NEK10: variants seen among roughly 807,000 people sequenced by gnomAD.
The protein encoded by NEK10 is NIMA related kinase 10.
Under a neutral mutation model 159.8 loss-of-function variants are expected in NEK10, and 122 were observed. That is an observed-to-expected ratio of 0.76 (90% confidence interval 0.66 to 0.89). The LOEUF (loss-of-function observed/expected upper bound fraction) is 0.89, where lower values mean the gene tolerates loss of function less well. Among genes scored for constraint, NEK10 ranks in the 40% least tolerant of loss-of-function variants. The pLI is 0.00. For synonymous variants in NEK10, 466 were observed against 457.1 expected, an observed-to-expected ratio of 1.02 and a Z score of -0.25; for missense variants, 1,342 against 1,323.1, an observed-to-expected ratio of 1.01 and a Z score of -0.22.
chr3:27,359,820 A>G (rs946538507), intron 1 of NEK10, among the ~76,000 whole-genome samples: 5 of 152,246 alleles, frequency 3.3e-5, no homozygotes, highest in Admixed American at 6.5e-5. Context: ...AAATGTATTC[A>G]CCACTTCAGC....
rs1378152333 is a variant in NEK10, at chr3:27,307,946, C to G, written c.717-1G>C. ...ACTTATCTTCTCCCTACATTCTTGA[C>G]TATAAATTGAAAAATATTAGCAATT... On this transcript the variant is annotated splice_acceptor_variant, in intron 10 of 35. Transcript: ENST00000691995. LOFTEE classifies it high-confidence loss of function. The G allele has an allele frequency of 7.0e-7, 1 of 1,426,560 alleles. No homozygotes were observed. The highest frequency in any genetic ancestry group is 1.2e-5 in the South Asian group (1 of 86,134). 88.4% of individuals were successfully genotyped at this position (1,426,560 alleles called of 1,614,324 possible).
chr3:27,250,144 C>A, intron 23 of NEK10, among the ~76,000 whole-genome samples: 1 of 151,746 alleles, frequency 6.6e-6, no homozygotes, highest in Non-Finnish European at 1.5e-5. Flanking sequence ...AGTTTATATA[C>A]CACAATTACA....
chr3:27,214,884 C>T, intron 23 of NEK10: 1 of 1,213,234 alleles, frequency 8.2e-7, no homozygotes, highest in African/African-American at 1.5e-5. Flanking sequence ...AATCCCATGC[C>T]AGAACGGAAG....
At chr3:27,322,569 A>G (rs2045725687) in intron 5 of NEK10, among the ~76,000 whole-genome samples, 2 of 152,222 alleles carry the variant, frequency 1.3e-5, no homozygotes, top group Admixed American at 6.5e-5. Context: ...AAATTTAGGT[A>G]GGTCTAACTT....
At chr3:27,183,435 A>G (rs1451858042) in intron 26 of NEK10, among the ~76,000 whole-genome samples, 2 of 151,124 alleles carry the variant, frequency 1.3e-5, no homozygotes, top group Non-Finnish European at 3.0e-5. Flanking sequence ...TCATTATTCT[A>G]TACACAAAAT....
At chr3:27,251,806 A>G (rs1311376613) in intron 23 of NEK10, among the ~76,000 whole-genome samples, 1 of 152,210 alleles carries the variant, frequency 6.6e-6, no homozygotes, top group Non-Finnish European at 1.5e-5. Context: ...TTTTGTTAAA[A>G]TGTTTAACAT....
At chr3:27,314,665 C>A (rs1181034845) in intron 6 of NEK10, among the ~76,000 whole-genome samples, 1 of 152,162 alleles carries the variant, frequency 6.6e-6, no homozygotes, top group African/African-American at 2.4e-5. Context: ...ATTCAATATT[C>A]TCATGTTACA....
At chr3:27,243,318 G>A (rs892799093) in intron 23 of NEK10, among the ~76,000 whole-genome samples, 1 of 152,082 alleles carries the variant, frequency 6.6e-6, no homozygotes, top group Non-Finnish European at 1.5e-5. Flanking sequence ...ATATATGACT[G>A]GTAAGGTCAC....
Position 27,161,891 on chromosome 3 carries a change from G to A in NEK10, c.2869+810C>T, listed in dbSNP as rs148165328. On this transcript the variant is annotated intron_variant, in intron 30 of 35. Coordinates refer to ENST00000691995, the MANE Select transcript of NEK10 (RefSeq NM_001394966.1). ...ATGGTGGCAGGCACCTGTAATCCCAGCTACTCAGGAGGCTGAGGCAGGAGA... is the reference window on the plus strand; with the variant it reads ...ATGGTGGCAGGCACCTGTAATCCCAACTACTCAGGAGGCTGAGGCAGGAGA... Among the ~76,000 whole-genome samples the A allele has an allele frequency of 2.9e-3, 445 of 152,164 alleles. 3 individuals carry two copies. Among genetic ancestry groups the A allele is most frequent in the African/African-American group, 0.01 (416 of 41,522 alleles).
chr3:27,281,044 T>C (rs909381923), intron 22 of NEK10, among the ~76,000 whole-genome samples: 4 of 151,622 alleles, frequency 2.6e-5, no homozygotes, highest in African/African-American at 9.7e-5. Context: ...AAAACAGGGT[T>C]CCATAAAAAT....
chr3:27,227,622 G>T (rs755260131), intron 23 of NEK10, among the ~76,000 whole-genome samples: 10 of 152,106 alleles, frequency 6.6e-5, no homozygotes, highest in Non-Finnish European at 1.3e-4. Context: ...AGGGGTACAG[G>T]ATAAACCCTT....
At chr3:27,138,068 G>T (rs1464358312) in intron 31 of NEK10, among the ~76,000 whole-genome samples, 1 of 152,214 alleles carries the variant, frequency 6.6e-6, no homozygotes, top group Non-Finnish European at 1.5e-5. Context: ...GATGGATCTT[G>T]TTTCCTGGCT....
At chr3:27,314,399 T>G (rs977791749) in intron 6 of NEK10, 61 bp from the exon 7 acceptor site, 38 of 945,790 alleles carry the variant, frequency 4.0e-5, no homozygotes, top group Non-Finnish European at 6.1e-5. Context: ...GAAGTATATT[T>G]TACATGCAAT....
At chr3:27,221,303 TCA>T (rs1952075936) in intron 23 of NEK10, among the ~76,000 whole-genome samples, 1 of 152,104 alleles carries the variant, frequency 6.6e-6, no homozygotes, top group South Asian at 2.1e-4. Flanking sequence ...CTTTTATAAC[TCA>T]ATAATAAAAA....
intron 23 of NEK10, among the ~76,000 whole-genome samples, chr3:27,238,277 T>A (rs1282008318): frequency 2.6e-5 from 4 of 152,190 alleles, no homozygotes; most frequent in Non-Finnish European, 4.4e-5. Context: ...AAAGCACTCA[T>A]TAATATCAGT....
intron 17 of NEK10, 26 bp downstream of exon 17, chr3:27,291,458 C>G (rs1179826218): frequency 1.2e-6 from 2 of 1,601,296 alleles, no homozygotes; most frequent in African/African-American, 2.7e-5. Flanking sequence ...AGCAGCCTGC[C>G]AAAATATTGA....
chr3:27,191,912 C>A (rs2148977676), intron 26 of NEK10, 117 bp downstream of exon 26: 1 of 747,392 alleles, frequency 1.3e-6, no homozygotes, highest in Non-Finnish European at 2.3e-6. Flanking sequence ...TATACTACTG[C>A]AATATTGCAT....
intron 6 of NEK10, among the ~76,000 whole-genome samples, chr3:27,316,421 G>C (rs372823912): frequency 7.2e-5 from 11 of 152,146 alleles, no homozygotes; most frequent in African/African-American, 1.7e-4. Context: ...ACTAACACAG[G>C]GGGAGAGAAA....
chr3:27,316,268 C>T (rs2045165811), intron 6 of NEK10, among the ~76,000 whole-genome samples: 1 of 152,048 alleles, frequency 6.6e-6, no homozygotes. Flanking sequence ...GGGTCAGTGA[C>T]AGCAGGAGTA....
Sources: gnomAD v4.1 joint callset for allele counts (sites outside exome capture counted in the v4.1 genomes callset) on GRCh38, gnomAD v4.1.1 for gene constraint, MANE v1.5 for transcripts, NCBI Gene and HGNC (gene_info 2026-07-23, HGNC 2026-07-21) for gene names.